The following MYO5B variants were observed in gnomAD, a reference collection of about 807,000 sequenced individuals.
MYO5B encodes myosin VB, also known as unconventional myosin-Vb.
A neutral mutation model predicts 229.3 loss-of-function variants in MYO5B; 143 were observed. The ratio of observed to expected loss-of-function variants is 0.62; its 90% CI spans 0.54 to 0.72. The LOEUF (loss-of-function observed/expected upper bound fraction) is 0.72. Ranked by LOEUF, MYO5B falls within the 30% of genes least tolerant of loss-of-function variation. The pLI, the probability that MYO5B is intolerant of heterozygous loss-of-function variation, is 0.00. For missense variants in MYO5B, 2,321 were observed against 2,331.0 expected (o/e 1.00, Z 0.09); for synonymous variants, 918 against 885.2 (o/e 1.04, Z -0.66).
intron 1 of MYO5B, among the ~76,000 whole-genome samples, chr18:50,184,148 A>C (rs1026846961): frequency 2.0e-5 from 3 of 152,194 alleles, no homozygotes; most frequent in Non-Finnish European, 2.9e-5. Context: ...GAAGATGTGG[A>C]TCTCGTTTGG....
chr18:49,957,326 C>T (rs919807959), intron 12 of MYO5B, among the ~76,000 whole-genome samples: 3 of 152,074 alleles, frequency 2.0e-5, no homozygotes, highest in Middle Eastern at 3.2e-3. Context: ...AGCAAAGCTG[C>T]TGACAGGAGC....
At chr18:49,951,879 T>C (rs1391685092) in intron 14 of MYO5B, among the ~76,000 whole-genome samples, 2 of 152,226 alleles carry the variant, frequency 1.3e-5, no homozygotes, top group Non-Finnish European at 1.5e-5. Flanking sequence ...CTCCTCCCTA[T>C]GCCACCATCC....
chr18:49,985,155 T>C (rs999281072), intron 7 of MYO5B, among the ~76,000 whole-genome samples: 3 of 152,244 alleles, frequency 2.0e-5, no homozygotes, highest in Non-Finnish European at 2.9e-5. Flanking sequence ...TGAAAAGATC[T>C]GATACAAGTA....
intron 1 of MYO5B, among the ~76,000 whole-genome samples, chr18:50,087,083 ACTC>A (rs1456123097): frequency 1.3e-5 from 2 of 152,102 alleles, no homozygotes; most frequent in African/African-American, 2.4e-5. Flanking sequence ...TGCCATGGAC[ACTC>A]CTCAATACCA....
chr18:50,023,569 G>C (rs543171773), intron 4 of MYO5B, among the ~76,000 whole-genome samples: 18 of 152,286 alleles, frequency 1.2e-4, no homozygotes, highest in African/African-American at 4.1e-4. Flanking sequence ...GCCACATTTT[G>C]TGAGATACTT....
chr18:49,904,731 C>T lies in MYO5B; in HGVS notation c.2512G>A (p.Ala838Thr), dbSNP rs758105832. Reference protein sequence around the residue: ...ARQAYQRVRRAAVVIQAFTRA... With the variant: ...ARQAYQRVRRTAVVIQAFTRA... ...GTGAAGGCCTGGATAACAACGGCAG[C>T]TCTGCGGACCCTCTGGTAGGCCTGG... Residue 838 changes from alanine to threonine, a missense_variant, in exon 20 of 40, where the codon GCT (alanine) becomes ACT (threonine). By Grantham distance (58) the Ala-to-Thr change is moderately conservative (BLOSUM62 0). Transcript: ENST00000285039. 2 of 1,614,060 alleles carry T rather than the reference C, an allele frequency of 1.2e-6. No individual in the cohort carries two copies. Among genetic ancestry groups the T allele is most frequent in the Non-Finnish European group, 1.7e-6 (2 of 1,180,042 alleles).
intron 17 of MYO5B, among the ~76,000 whole-genome samples, chr18:49,925,013 C>T (rs1281273209): frequency 6.6e-6 from 1 of 152,218 alleles, no homozygotes; most frequent in African/African-American, 2.4e-5. Flanking sequence ...ATGGATCCCT[C>T]CTTGCAGCCA....
intron 1 of MYO5B, among the ~76,000 whole-genome samples, chr18:50,177,963 A>G (rs988700205): frequency 6.6e-6 from 1 of 152,180 alleles, no homozygotes; most frequent in Non-Finnish European, 1.5e-5. Flanking sequence ...GAATATTGTT[A>G]AATACCTCCT....
At chr18:50,052,577 G>GA (rs2030425217) in intron 2 of MYO5B, among the ~76,000 whole-genome samples, 1 of 99,290 alleles carries the variant, frequency 1.0e-5, no homozygotes, top group African/African-American at 3.9e-5. Context: ...AGGGGGGAGG[G>GA]ATAGCATTAG....
At chr18:49,877,709 AAAAC>A in intron 25 of MYO5B, 50 bp downstream of exon 25, 1 of 1,611,800 alleles carries the variant, frequency 6.2e-7, no homozygotes, top group South Asian at 1.1e-5. Flanking sequence ...CACACAGAAA[AAAAC>A]ACACACTCCC....
At chr18:49,938,727 T>C (rs889304216) in intron 14 of MYO5B, among the ~76,000 whole-genome samples, 3 of 152,178 alleles carry the variant, frequency 2.0e-5, no homozygotes, top group African/African-American at 4.8e-5. Context: ...ACTGGTCACG[T>C]TGCTGTCTCA....
intron 1 of MYO5B, among the ~76,000 whole-genome samples, chr18:50,139,252 C>G (rs928642234): frequency 3.9e-5 from 6 of 152,188 alleles, no homozygotes; most frequent in Non-Finnish European, 8.8e-5. Flanking sequence ...AGGACCCTCT[C>G]CCAACTTTGC....
intron 1 of MYO5B, among the ~76,000 whole-genome samples, chr18:50,135,284 T>A (rs1411944058): frequency 6.6e-6 from 1 of 152,142 alleles, no homozygotes; most frequent in African/African-American, 2.4e-5. Context: ...GCTTTGAGGT[T>A]TTTCAAGACA....
intron 32 of MYO5B, among the ~76,000 whole-genome samples, chr18:49,848,312 G>T (rs2024156175): frequency 6.6e-6 from 1 of 151,988 alleles, no homozygotes; most frequent in Non-Finnish European, 1.5e-5. Context: ...GATGATGTGG[G>T]TGCTGATGGT....
chr18:49,839,289 G>T lies in MYO5B; in HGVS notation c.4707C>A (p.Phe1569Leu). 6.2e-7 allele frequency: 1 copy of T among 1,613,730 alleles called. No homozygotes were observed. Among genetic ancestry groups the T allele is most frequent in the Non-Finnish European group, 8.5e-7 (1 of 1,180,034 alleles). Residue 1569 changes from phenylalanine to leucine, a missense_variant, in exon 36 of 40, where the codon TTC becomes TTA. Phe to Leu is a conservative substitution (Grantham distance 22). Transcript: ENST00000285039. ...CLKQYSGDEG[F>L]MTQNTAKQNE... ...TCTGCTTTGCAGTGTTCTGAGTCAT[G>T]AAGCCCTGCAGAGGGAGAGGCGTGC... is the stretch of plus-strand genomic sequence containing the variant.
chr18:49,848,963 C>T (rs892190084), intron 32 of MYO5B, among the ~76,000 whole-genome samples: 17 of 151,988 alleles, frequency 1.1e-4, no homozygotes, highest in Non-Finnish European at 1.8e-4. Flanking sequence ...GACTCAAGCC[C>T]TGAGCATGTG....
intron 1 of MYO5B, among the ~76,000 whole-genome samples, chr18:50,082,764 A>T (rs770796942): frequency 1.3e-5 from 2 of 152,212 alleles, no homozygotes; most frequent in Non-Finnish European, 2.9e-5. Flanking sequence ...CAAGGGAAAG[A>T]CTTGCAAATT....
intron 24 of MYO5B, among the ~76,000 whole-genome samples, chr18:49,878,255 C>A (rs2024548493): frequency 6.6e-6 from 1 of 152,164 alleles, no homozygotes; most frequent in Non-Finnish European, 1.5e-5. Flanking sequence ...CTCCCTTCAA[C>A]CTGCACTCCT....
chr18:50,113,188 T>G (rs759603102), intron 1 of MYO5B, among the ~76,000 whole-genome samples: 2 of 151,154 alleles, frequency 1.3e-5, no homozygotes, highest in Non-Finnish European at 2.9e-5. Context: ...GCTCAGTACC[T>G]GTAGTCAGCA....
Sources: gnomAD v4.1 joint callset for allele counts (sites outside exome capture counted in the v4.1 genomes callset) on GRCh38, gnomAD v4.1.1 for gene constraint, MANE v1.5 for transcripts, NCBI Gene and HGNC (gene_info 2026-07-23, HGNC 2026-07-21) for gene names.